The following PPIE variants were observed in gnomAD, a reference collection of about 807,000 sequenced individuals.
The protein encoded by PPIE is peptidyl-prolyl cis-trans isomerase E.
A neutral mutation model predicts 38.4 loss-of-function variants in PPIE; 20 were observed. The observed-to-expected ratio is 0.52, with a 90% CI of 0.37 to 0.76. The LOEUF (loss-of-function observed/expected upper bound fraction) is 0.76, where lower values mean the gene tolerates loss of function less well. Among genes scored for constraint, PPIE ranks in the 30% least tolerant of loss-of-function variants. PPIE has a pLI of 0.00. For synonymous variants in PPIE, 142 were observed against 135.7 expected (o/e 1.05, Z -0.32); for missense variants, 322 against 385.8 (o/e 0.83, Z 1.39).
chr1:39,753,448 G>T lies in PPIE; in HGVS notation c.*93G>T. The T allele has an allele frequency of 1.9e-6, 3 of 1,552,168 alleles. No individual in the cohort carries two copies. Among genetic ancestry groups the T allele is most frequent in the Non-Finnish European group, 1.7e-6 (2 of 1,150,790 alleles). ...AGAGGAGGCAGCACCGAGGGTGCCT[G>T]TTTGAAGCAAGCAGCATTTGGGATA... On this transcript the variant is annotated 3_prime_UTR_variant, in exon 10 of 10. Coordinates refer to ENST00000324379, the MANE Select transcript of PPIE (RefSeq NM_006112.4).
chr1:39,763,174 G>T (rs147323607), intron 9 of PPIE: 53 of 1,613,652 alleles, frequency 3.3e-5, no homozygotes, highest in Non-Finnish European at 4.3e-5. Context: ...GTAATAGGCC[G>T]AGTAGCCTTG....
intron 7 of PPIE, chr1:39,748,625 C>G (rs919249547): frequency 1.3e-5 from 5 of 391,914 alleles, no homozygotes; most frequent in African/African-American, 1.1e-4. Context: ...GTCCCAGCTA[C>G]TCAAGAGGCT....
At position 39,753,591 on chromosome 1, in the gene PPIE, G is replaced by C; in HGVS notation, c.*236G>C. 3 of 1,355,266 alleles carry C rather than the reference G, an allele frequency of 2.2e-6. No homozygotes were observed. Among genetic ancestry groups the C allele is most frequent in the Non-Finnish European group, 2.8e-6 (3 of 1,058,964 alleles). 84.0% of individuals were successfully genotyped at this position (1,355,266 alleles called of 1,614,324 possible). ...AGGTGCTCCCCTCCACCATGGGCAG[G>C]CTGTGCAAAAAGCCACTGGCTTTTC... On this transcript the variant is annotated 3_prime_UTR_variant, in exon 10 of 10. Coordinates refer to ENST00000324379, the MANE Select transcript of PPIE (RefSeq NM_006112.4).
At position 39,752,947 on chromosome 1, in the gene PPIE, T is replaced by G; in HGVS notation, c.732T>G (p.Asn244Lys). 6.2e-7 allele frequency: 1 copy of G among 1,614,166 alleles called. No homozygotes were observed. Among genetic ancestry groups the G allele is most frequent in the Non-Finnish European group, 8.5e-7 (1 of 1,180,004 alleles). ...TGGCCAACTCTGGCCCAAACACCAA[T>G]GGCTCTCAGTTCTTCCTGACATGTG... ...LSMANSGPNTNGSQFFLTCDK... is the reference protein window; with the variant it reads ...LSMANSGPNTKGSQFFLTCDK... The change falls in exon 9 of 10, where the codon AAT (asparagine) becomes AAG (lysine). Residue 244 changes from asparagine (N) to lysine (K), a missense_variant. Coordinates refer to ENST00000324379, the MANE Select transcript of PPIE (RefSeq NM_006112.4).
intron 2 of PPIE, among the ~76,000 whole-genome samples, chr1:39,740,570 A>T (rs1647033054): frequency 6.6e-6 from 1 of 152,158 alleles, no homozygotes; most frequent in Admixed American, 6.5e-5. Flanking sequence ...AATCTACCTG[A>T]TGGGTACCCC....
intron 5 of PPIE, 54 bp downstream of exon 5, chr1:39,743,351 T>A: frequency 1.3e-6 from 2 of 1,500,286 alleles, no homozygotes; most frequent in African/African-American, 2.8e-5. Flanking sequence ...TTGGCCTTAG[T>A]TGCATTTTTT....
intron 9 of PPIE, 109 bp from the exon 10 acceptor site, chr1:39,753,178 G>A (rs1174021491): frequency 1.9e-6 from 3 of 1,585,710 alleles, no homozygotes; most frequent in East Asian, 2.2e-5. Context: ...AGGGGCTGCT[G>A]CTGCCCAGGT....
chr1:39,755,102 C>A lies in PPIE; in HGVS notation c.*1747C>A, dbSNP rs550392163. On this transcript the variant is annotated 3_prime_UTR_variant, in exon 10 of 10. Coordinates refer to ENST00000324379, the MANE Select transcript of PPIE (RefSeq NM_006112.4). ...GCCACTTCTTGGAGCTGGCTTCTCTCCACTCCCCCTCCAGATGCTGGTCAG... is the reference window on the plus strand; with the variant it reads ...GCCACTTCTTGGAGCTGGCTTCTCTACACTCCCCCTCCAGATGCTGGTCAG... 2.3e-5 allele frequency: 23 copies of A among 985,476 alleles called. No individual in the cohort carries two copies. The African/African-American group carries it at 3.3e-4, about 14-fold the overall frequency. The allele number at this position is 985,476 out of a possible 1,614,324, so 61.0% of individuals were successfully genotyped here.
intron 3 of PPIE, 84 bp from the exon 4 acceptor site, chr1:39,741,810 AT>A: frequency 6.6e-7 from 1 of 1,505,136 alleles, no homozygotes; most frequent in Non-Finnish European, 9.2e-7. Context: ...ATTTTTCTGG[AT>A]TTTTGCTACT....
At chr1:39,750,658 CCTT>C (rs935589188) in intron 8 of PPIE, among the ~76,000 whole-genome samples, 11 of 152,292 alleles carry the variant, frequency 7.2e-5, no homozygotes, top group Middle Eastern at 3.4e-3. Flanking sequence ...CTCCTTGACT[CCTT>C]CTTCACTTGG....
chr1:39,743,958 C>G (rs769412162), intron 6 of PPIE, 34 bp downstream of exon 6: 13 of 1,501,950 alleles, frequency 8.7e-6, no homozygotes, highest in African/African-American at 7.0e-5. Flanking sequence ...AGAGCACAGG[C>G]CGGCGCTGTC....
intron 2 of PPIE, 66 bp downstream of exon 2, chr1:39,740,329 C>A: frequency 1.5e-6 from 2 of 1,292,300 alleles, no homozygotes; most frequent in South Asian, 1.3e-5. Context: ...ATTAAAGTCA[C>A]ATCACAATTC....
rs1648123571 is a variant in PPIE, at chr1:39,755,085, T to A, written c.*1730T>A. The stretch of plus-strand genomic sequence containing the variant: ...TGGCTCTCCTGTGTGCAGCCACTTC[T>A]TGGAGCTGGCTTCTCTCCACTCCCC... On this transcript the variant is annotated 3_prime_UTR_variant, in exon 10 of 10. Coordinates refer to ENST00000324379, the MANE Select transcript of PPIE (RefSeq NM_006112.4). The A allele has an allele frequency of 2.0e-6, 2 of 985,358 alleles. No individual in the cohort carries two copies. The highest frequency in any genetic ancestry group is 1.7e-5 in the African/African-American group (1 of 57,244). The allele number at this position is 985,358 out of a possible 1,614,324, so 61.0% of individuals were successfully genotyped here.
chr1:39,751,128 T>C (rs1386356640), intron 8 of PPIE, among the ~76,000 whole-genome samples: 1 of 152,206 alleles, frequency 6.6e-6, no homozygotes, highest in Non-Finnish European at 1.5e-5. Context: ...AGTGATGCTA[T>C]TGGTGATACG....
intron 2 of PPIE, 65 bp from the exon 3 acceptor site, chr1:39,741,301 G>T: frequency 6.8e-7 from 1 of 1,471,090 alleles, no homozygotes; most frequent in South Asian, 1.1e-5. Context: ...TTCACTTTGT[G>T]ACCATCCTGT....
In PPIE at chr1:39,745,509, C is replaced by T. The variant is rs201582999; in HGVS notation, c.508+11C>T. The stretch of plus-strand genomic sequence containing the variant: ...TGCCCATGACAGCAGGTGAGCAGGA[C>T]GCTGTGGTCAGAACGGCGGGACGCT... On this transcript the variant is annotated intron_variant, in intron 7 of 9. Coordinates refer to ENST00000324379, the MANE Select transcript of PPIE (RefSeq NM_006112.4). 4.9e-5 allele frequency: 79 copies of T among 1,614,048 alleles called. No homozygotes were observed. Among genetic ancestry groups the T allele is most frequent in the Middle Eastern group, 3.3e-4 (2 of 6,084 alleles).
Position 39,756,769 on chromosome 1 carries a change from A to G in PPIE, c.*3414A>G, listed in dbSNP as rs1211553691. The G allele has an allele frequency of 8.6e-6, 2 of 232,876 alleles. No individual in the cohort carries two copies. Among genetic ancestry groups the G allele is most frequent in the Non-Finnish European group, 1.4e-5 (2 of 142,004 alleles). The allele number at this position is 232,876 out of a possible 1,614,324, so 14.4% of individuals were successfully genotyped here. A position where few individuals can be genotyped will look rare whatever the true frequency, so the allele number is the denominator to read the frequency against. On this transcript the variant is annotated 3_prime_UTR_variant, in exon 10 of 10. Transcript: ENST00000324379. ...TAGAAATAAAGCCACAAAAATATTAATAGTGTGTTTATTTGACTTGTGGGA... is the reference window on the plus strand; with the variant it reads ...TAGAAATAAAGCCACAAAAATATTAGTAGTGTGTTTATTTGACTTGTGGGA...
intron 7 of PPIE, chr1:39,748,131 TA>T (rs1647321155): frequency 6.6e-6 from 1 of 152,218 alleles, no homozygotes. Context: ...TTCTGGATAT[TA>T]AACCCATGTT....
chr1:39,742,513 T>TA (rs1553122725), intron 4 of PPIE: 4 of 146,720 alleles, frequency 2.7e-5, no homozygotes, highest in South Asian at 2.1e-4. Flanking sequence ...TTTTTTTTTT[T>TA]AACAATCTTG....
Sources: allele counts gnomAD v4.1 joint callset (sites outside exome capture counted in the v4.1 genomes callset), GRCh38; gene constraint gnomAD v4.1.1; transcripts MANE v1.5; gene names NCBI Gene and HGNC (gene_info 2026-07-23, HGNC 2026-07-21).